The following PUM1 variants were observed in gnomAD, a reference collection of about 807,000 sequenced individuals.
PUM1 encodes pumilio homolog 1.
In PUM1, 13 loss-of-function variants were observed where a neutral mutation model predicts 131.8. The observed-to-expected ratio is 0.10, with a 90% CI of 0.06 to 0.16. PUM1 has a LOEUF of 0.16. Among genes scored for constraint, PUM1 ranks in the 10% least tolerant of loss-of-function variants. The probability of loss-of-function intolerance (pLI) is 1.00; values close to 1 mark genes in which losing one functional copy is unlikely to be tolerated. For synonymous variants in PUM1, 509 were observed against 556.5 expected, an observed-to-expected ratio of 0.91 and a Z score of 1.20; for missense variants, 961 against 1,512.4, an observed-to-expected ratio of 0.64 and a Z score of 6.05.
chr1:30,935,517 A>G (rs1639170189), intron 21 of PUM1, among the ~76,000 whole-genome samples: 1 of 152,202 alleles, frequency 6.6e-6, no homozygotes, highest in South Asian at 2.1e-4. Context: ...ATGAATGAAT[A>G]GACATGTCTT....
chr1:30,976,783 T>G (rs1362418304), intron 9 of PUM1, among the ~76,000 whole-genome samples: 2 of 152,156 alleles, frequency 1.3e-5, no homozygotes, highest in South Asian at 2.1e-4. Context: ...GTTAAAACAT[T>G]TTTTAATTTG....
At chr1:31,038,989 T>A (rs867132492) in intron 2 of PUM1, among the ~76,000 whole-genome samples, 3,419 of 100,470 alleles carry the variant, frequency 0.034, 81 homozygotes, top group Non-Finnish European at 0.051. Flanking sequence ...TATATATTTT[T>A]TTTTTTTTTT....
intron 7 of PUM1, among the ~76,000 whole-genome samples, chr1:30,988,318 A>G (rs1264423233): frequency 1.3e-5 from 2 of 152,200 alleles, no homozygotes; most frequent in Non-Finnish European, 2.9e-5. Flanking sequence ...CCTTTTCCCT[A>G]TTTGCAGGCT....
Position 30,940,471 on chromosome 1 carries a change from G to A in PUM1, c.3242+680C>T, listed in dbSNP as rs1475751482. On this transcript the variant is annotated intron_variant, in intron 20 of 21. Coordinates refer to ENST00000426105, the MANE Select transcript of PUM1 (RefSeq NM_001020658.2). ...AGCCTGGGCGACAGAGCGTGACCCT[G>A]TCTCAAAAAATAACATAAATTAAAA... 6.6e-5 allele frequency among the ~76,000 whole-genome samples: 10 copies of A among 152,202 alleles called. No individual in the cohort carries two copies. The East Asian group carries it at 1.7e-3, about 26-fold the overall frequency.
intron 17 of PUM1, among the ~76,000 whole-genome samples, chr1:30,946,098 T>TA (rs1197075524): frequency 2.0e-5 from 3 of 150,476 alleles, no homozygotes; most frequent in African/African-American, 2.4e-5. Flanking sequence ...TCCTAGAGCT[T>TA]AAAAAAAAAT....
intron 21 of PUM1, chr1:30,935,676 G>A (rs1345448010): frequency 2.6e-6 from 1 of 384,428 alleles, no homozygotes; most frequent in Admixed American, 3.6e-5. Context: ...CTCAGGGGTG[G>A]TGGGTGTCTT....
intron 2 of PUM1, among the ~76,000 whole-genome samples, chr1:31,033,057 GA>G (rs201722845): frequency 0.018 from 2,540 of 143,792 alleles, 77 homozygotes; most frequent in African/African-American, 0.06. Context: ...TACAAAAAAA[GA>G]AAAAAAAAAA....
At chr1:31,019,909 G>GA in intron 3 of PUM1, among the ~76,000 whole-genome samples, 1 of 145,596 alleles carries the variant, frequency 6.9e-6, no homozygotes, top group African/African-American at 2.5e-5. Flanking sequence ...ACTACACAAG[G>GA]TTTTTTTTTT....
chr1:31,064,643 T>C (rs181222480), intron 1 of PUM1, among the ~76,000 whole-genome samples: 210 of 151,724 alleles, frequency 1.4e-3, no homozygotes, highest in Non-Finnish European at 2.3e-3. Flanking sequence ...AGCAAAATGG[T>C]ATCGAGGGCT....
intron 3 of PUM1, among the ~76,000 whole-genome samples, chr1:31,017,110 T>C (rs1294778254): frequency 6.6e-6 from 1 of 152,198 alleles, no homozygotes; most frequent in Non-Finnish European, 1.5e-5. Context: ...TACTTGCTGA[T>C]GCCCAAAAGT....
At chr1:31,024,237 T>C (rs1014930656) in intron 3 of PUM1, among the ~76,000 whole-genome samples, 26 of 152,186 alleles carry the variant, frequency 1.7e-4, no homozygotes, top group African/African-American at 5.3e-4. Flanking sequence ...CCCAATCCAA[T>C]GCTACCTCTA....
intron 1 of PUM1, among the ~76,000 whole-genome samples, chr1:31,060,922 T>C (rs888549153): frequency 1.3e-5 from 2 of 150,880 alleles, no homozygotes; most frequent in Non-Finnish European, 3.0e-5. Context: ...AATAAATAAA[T>C]AAAACCTCCA....
chr1:30,936,124 T>C (rs1030130548), intron 21 of PUM1, among the ~76,000 whole-genome samples: 14 of 147,200 alleles, frequency 9.5e-5, no homozygotes, highest in African/African-American at 3.5e-4. Context: ...CTGGGAAGGG[T>C]GAGGGGTCCT....
intron 16 of PUM1, among the ~76,000 whole-genome samples, chr1:30,950,642 C>T (rs374173956): frequency 6.6e-6 from 1 of 152,334 alleles, no homozygotes; most frequent in Non-Finnish European, 1.5e-5. Context: ...GGTGGATCAC[C>T]TGAGGTCAGG....
At chr1:31,049,373 G>A (rs560719558) in intron 2 of PUM1, among the ~76,000 whole-genome samples, 53 of 152,052 alleles carry the variant, frequency 3.5e-4, no homozygotes, top group African/African-American at 9.6e-4. Context: ...AAAAGTAGCC[G>A]GGCATGGTAG....
intron 14 of PUM1, among the ~76,000 whole-genome samples, chr1:30,957,030 G>C (rs1640194013): frequency 6.7e-6 from 1 of 149,500 alleles, no homozygotes; most frequent in Non-Finnish European, 1.5e-5. Context: ...GTGAAGTTTT[G>C]ATTTTTGCCT....
chr1:30,951,419 C>G (rs930582764), intron 16 of PUM1, among the ~76,000 whole-genome samples: 13 of 152,142 alleles, frequency 8.5e-5, no homozygotes, highest in African/African-American at 3.1e-4. Context: ...AACTTGAGTA[C>G]GTCAGTTTTT....
At chr1:31,021,280 T>C (rs1643017838) in intron 3 of PUM1, among the ~76,000 whole-genome samples, 1 of 152,210 alleles carries the variant, frequency 6.6e-6, no homozygotes, top group African/African-American at 2.4e-5. Flanking sequence ...TTGTCTGTTC[T>C]TTATTCTCTC....
intron 10 of PUM1, among the ~76,000 whole-genome samples, chr1:30,972,083 T>G (rs1640893389): frequency 6.7e-6 from 1 of 149,860 alleles, no homozygotes; most frequent in Non-Finnish European, 1.5e-5. Flanking sequence ...GGTAAAACCC[T>G]GTCACTACCA....
Sources: gnomAD v4.1 joint callset for allele counts (sites outside exome capture counted in the v4.1 genomes callset) on GRCh38, gnomAD v4.1.1 for gene constraint, MANE v1.5 for transcripts, NCBI Gene and HGNC (gene_info 2026-07-23, HGNC 2026-07-21) for gene names.